The following HPSE2 variants were observed in gnomAD, a reference collection of about 807,000 sequenced individuals.
HPSE2 encodes the protein heparanase 2 (inactive), also known as inactive heparanase-2.
Under a neutral mutation model 60.5 loss-of-function variants are expected in HPSE2, and 38 were observed. The ratio of observed to expected loss-of-function variants is 0.63; its 90% CI spans 0.48 to 0.82. The LOEUF (loss-of-function observed/expected upper bound fraction) is 0.82, where lower values mean the gene tolerates loss of function less well. Ranked by LOEUF, HPSE2 falls within the 40% of genes least tolerant of loss-of-function variation. The probability of loss-of-function intolerance (pLI) is 0.00; values close to 1 mark genes in which losing one functional copy is unlikely to be tolerated. For synonymous variants in HPSE2, 295 were observed against 293.2 expected, an observed-to-expected ratio of 1.01 and a Z score of -0.06; for missense variants, 713 against 740.4, an observed-to-expected ratio of 0.96 and a Z score of 0.43.
chr10:98,749,947 T>TATATATATATACACACAC lies in HPSE2; in HGVS notation c.611-5892_611-5891insGTGTGTGTATATATATAT. Among the ~76,000 whole-genome samples, 106 of 98,452 alleles carry TATATATATATACACACAC rather than the reference T, an allele frequency of 1.1e-3. 1 individual carries two copies. Among genetic ancestry groups the TATATATATATACACACAC allele is most frequent in the South Asian group, 5.6e-3 (15 of 2,664 alleles). 64.6% of individuals were successfully genotyped at this position (98,452 alleles called of 152,430 possible). The stretch of plus-strand genomic sequence containing the variant: ...ATTAAACACTATATATATATATATA[T>TATATATATATACACACAC]ACACACACACTTACACACACATTTA... On this transcript the variant is annotated intron_variant, in intron 3 of 11. Transcript: ENST00000370552.
chr10:98,859,217 C>T (rs1952393389), intron 3 of HPSE2, among the ~76,000 whole-genome samples: 1 of 152,196 alleles, frequency 6.6e-6, no homozygotes, highest in African/African-American at 2.4e-5. Context: ...TCACACATCA[C>T]AGCAAAGTTG....
chr10:99,030,518 G>C (rs529090939), intron 3 of HPSE2, among the ~76,000 whole-genome samples: 1 of 152,322 alleles, frequency 6.6e-6, no homozygotes, highest in African/African-American at 2.4e-5. Flanking sequence ...GCAGAGAAAA[G>C]GGAAACCTTG....
At chr10:98,847,137 C>A (rs553524436) in intron 3 of HPSE2, among the ~76,000 whole-genome samples, 1 of 152,296 alleles carries the variant, frequency 6.6e-6, no homozygotes, top group East Asian at 1.9e-4. Context: ...ACAGAAGATA[C>A]AAACTCAGAA....
At chr10:98,543,529 C>G (rs1943549814) in intron 9 of HPSE2, among the ~76,000 whole-genome samples, 1 of 152,140 alleles carries the variant, frequency 6.6e-6, no homozygotes, top group African/African-American at 2.4e-5. Context: ...AAGACACAGA[C>G]TGGCAAACTG....
intron 11 of HPSE2, among the ~76,000 whole-genome samples, chr10:98,475,672 T>C (rs183614324): frequency 6.6e-6 from 1 of 152,064 alleles, no homozygotes; most frequent in East Asian, 1.9e-4. Context: ...GATTTTTATA[T>C]ACCTCAAATT....
intron 10 of HPSE2, among the ~76,000 whole-genome samples, chr10:98,485,364 G>A (rs1262301670): frequency 6.6e-6 from 1 of 152,186 alleles, no homozygotes; most frequent in Non-Finnish European, 1.5e-5. Flanking sequence ...ATCTGCAGGA[G>A]GGTACATTAT....
chr10:99,103,293 T>G (rs538608297), intron 3 of HPSE2, among the ~76,000 whole-genome samples: 1 of 152,166 alleles, frequency 6.6e-6, no homozygotes, highest in Non-Finnish European at 1.5e-5. Flanking sequence ...AGTCTCAGGA[T>G]ACAAAATCAA....
chr10:98,742,762 T>C (rs1949528517), intron 4 of HPSE2, among the ~76,000 whole-genome samples: 1 of 140,060 alleles, frequency 7.1e-6, no homozygotes, highest in Non-Finnish European at 1.5e-5. Context: ...GAATGATAAC[T>C]TATGTTACAC....
At chr10:98,495,893 AT>A (rs1226316893) in intron 9 of HPSE2, among the ~76,000 whole-genome samples, 2 of 151,646 alleles carry the variant, frequency 1.3e-5, no homozygotes, top group Non-Finnish European at 2.9e-5. Flanking sequence ...GGATTTATTT[AT>A]TTTTTTCTTT....
At chr10:99,307,839 C>CAT in the HPSE2 span, among the ~76,000 whole-genome samples, 23 of 121,156 alleles carry the variant, frequency 1.9e-4, no homozygotes, top group Admixed American at 5.1e-4. Context: ...TGCGCACACA[C>CAT]ACACACACAC....
At chr10:99,011,714 C>A (rs553003798) in intron 3 of HPSE2, among the ~76,000 whole-genome samples, 1 of 137,442 alleles carries the variant, frequency 7.3e-6, no homozygotes. Flanking sequence ...TGACATCATG[C>A]CACTGCACTC....
intron 3 of HPSE2, among the ~76,000 whole-genome samples, chr10:99,086,346 C>CTTTTTTTTTTTTTTTTTTTT (rs66562418): frequency 9.6e-5 from 8 of 82,998 alleles, no homozygotes; most frequent in East Asian, 8.6e-4. Context: ...AAAGTACTTT[C>CTTTTTTTTTTTTTTTTTTTT]TTTTTTTTTT....
chr10:99,206,592 T>G (rs1848756878), intron 2 of HPSE2, among the ~76,000 whole-genome samples: 1 of 151,254 alleles, frequency 6.6e-6, no homozygotes, highest in Non-Finnish European at 1.5e-5. Flanking sequence ...TACAGATTTG[T>G]GAATGCATGG....
chr10:98,659,057 A>C (rs914271753), intron 6 of HPSE2, among the ~76,000 whole-genome samples: 1 of 152,178 alleles, frequency 6.6e-6, no homozygotes, highest in Non-Finnish European at 1.5e-5. Flanking sequence ...TTACCCTAAA[A>C]GGAAATCCTA....
At chr10:98,564,057 C>A (rs1240142266) in intron 9 of HPSE2, among the ~76,000 whole-genome samples, 3 of 152,156 alleles carry the variant, frequency 2.0e-5, no homozygotes, top group Admixed American at 6.5e-5. Flanking sequence ...TTTGTCCCTC[C>A]CAGCCCTCCT....
chr10:98,509,735 C>T (rs181816711), intron 9 of HPSE2, among the ~76,000 whole-genome samples: 41 of 152,158 alleles, frequency 2.7e-4, no homozygotes, highest in Non-Finnish European at 4.7e-4. Flanking sequence ...CTGCTGACCT[C>T]GTGATCCACC....
At chr10:98,863,960 A>AATAT (rs145290704) in intron 3 of HPSE2, among the ~76,000 whole-genome samples, 8 of 151,738 alleles carry the variant, frequency 5.3e-5, no homozygotes, top group African/African-American at 1.7e-4. Flanking sequence ...TACGTATATG[A>AATAT]ATATATATAT....
chr10:98,795,507 T>C (rs1054492885), intron 3 of HPSE2, among the ~76,000 whole-genome samples: 1 of 152,204 alleles, frequency 6.6e-6, no homozygotes, highest in African/African-American at 2.4e-5. Flanking sequence ...AAATCACCTA[T>C]CCTAGCAGTC....
intron 6 of HPSE2, among the ~76,000 whole-genome samples, chr10:98,690,688 T>A (rs1032921556): frequency 6.6e-6 from 1 of 152,142 alleles, no homozygotes; most frequent in Non-Finnish European, 1.5e-5. Flanking sequence ...GTTTTTTTTT[T>A]AATACTTTAT....
Sources: gnomAD v4.1 joint callset for allele counts (sites outside exome capture counted in the v4.1 genomes callset) on GRCh38, gnomAD v4.1.1 for gene constraint, MANE v1.5 for transcripts, NCBI Gene and HGNC (gene_info 2026-07-23, HGNC 2026-07-21) for gene names.